Variants in VAMP4 observed in about 807,000 individuals in gnomAD.
VAMP4 encodes vesicle associated membrane protein 4.
Under a neutral mutation model 23.5 loss-of-function variants are expected in VAMP4, and 19 were observed. That is an observed-to-expected ratio of 0.81 (90% CI 0.56 to 1.19). The LOEUF is 1.19. VAMP4 is among the 50% of genes most tolerant of loss of function. VAMP4 has a pLI of 0.00. For synonymous variants in VAMP4, 31 were observed against 51.0 expected (o/e 0.61, Z 1.67); for missense variants, 145 against 168.6 (o/e 0.86, Z 0.78).
intron 2 of VAMP4, among the ~76,000 whole-genome samples, chr1:171,735,183 G>A (rs987374512): frequency 3.3e-5 from 5 of 152,100 alleles, no homozygotes; most frequent in African/African-American, 9.7e-5. Flanking sequence ...TCCATTAAGT[G>A]AACAACAAAT....
chr1:171,728,514 A>G lies in VAMP4; in HGVS notation c.113+10T>C. 1 of 1,527,806 alleles carries G rather than the reference A, an allele frequency of 6.5e-7. No individual in the cohort carries two copies. Among genetic ancestry groups the G allele is most frequent in the Non-Finnish European group, 8.8e-7 (1 of 1,137,866 alleles). 94.6% of individuals were successfully genotyped at this position (1,527,806 alleles called of 1,614,324 possible). On this transcript the variant is annotated intron_variant, in intron 3 of 7. Coordinates refer to ENST00000236192, the MANE Select transcript of VAMP4 (RefSeq NM_003762.5). Reference sequence around the variant, plus strand: ...ATTACACCCTAATAAAGCTGTAAAAAAAAACTTACAGAAAAAAGTCCTCTT... The same window carrying G: ...ATTACACCCTAATAAAGCTGTAAAAGAAAACTTACAGAAAAAAGTCCTCTT...
At chr1:171,709,033 A>C (rs1448567060) in intron 6 of VAMP4, among the ~76,000 whole-genome samples, 1 of 152,070 alleles carries the variant, frequency 6.6e-6, no homozygotes, top group Non-Finnish European at 1.5e-5. Context: ...AACGTGAAAA[A>C]CATTTTCTGT....
chr1:171,738,230 A>G (rs190529745), intron 2 of VAMP4, 119 bp downstream of exon 2: 8 of 1,059,840 alleles, frequency 7.5e-6, no homozygotes, highest in South Asian at 1.6e-5. Context: ...CAGCGTCCCA[A>G]GTGCGGCGAT....
At chr1:171,731,205 C>T (rs1441061924) in intron 2 of VAMP4, among the ~76,000 whole-genome samples, 3 of 151,966 alleles carry the variant, frequency 2.0e-5, no homozygotes, top group Non-Finnish European at 4.4e-5. Context: ...AACAGGATTG[C>T]AATTGAACAA....
intron 2 of VAMP4, among the ~76,000 whole-genome samples, chr1:171,732,826 A>T (rs956406206): frequency 2.0e-5 from 3 of 152,214 alleles, no homozygotes; most frequent in Admixed American, 6.5e-5. Context: ...ATATTTGATT[A>T]TATAAAAATT....
intron 3 of VAMP4, among the ~76,000 whole-genome samples, chr1:171,723,236 A>G (rs1655256090): frequency 1.3e-5 from 2 of 152,180 alleles, no homozygotes; most frequent in Admixed American, 1.3e-4. Context: ...ACTGGGGCAA[A>G]ATTAAAATTG....
rs367797417 is a variant in VAMP4, at chr1:171,718,328, A to G, written c.164+843T>C. Among the ~76,000 whole-genome samples, 10 of 152,262 alleles carry G rather than the reference A, an allele frequency of 6.6e-5. 1 individual carries two copies. Among genetic ancestry groups the G allele is most frequent in the Admixed American group, 2.0e-4 (3 of 15,278 alleles). On this transcript the variant is annotated intron_variant, in intron 4 of 7. Coordinates refer to ENST00000236192, the MANE Select transcript of VAMP4 (RefSeq NM_003762.5). ...TTCCCACAATGTGCCATCTATACCCAGGCTTAGGGTAGTGACTATTATCCC... is the reference window on the plus strand; with the variant it reads ...TTCCCACAATGTGCCATCTATACCCGGGCTTAGGGTAGTGACTATTATCCC...
In VAMP4 at chr1:171,701,669, A is replaced by G. The variant is rs1216315587; in HGVS notation, c.*2837T>C. 2.0e-5 allele frequency: 3 copies of G among 152,142 alleles called. No individual in the cohort carries two copies. The highest frequency in any genetic ancestry group is 2.9e-5 in the Non-Finnish European group (2 of 67,998). The allele number at this position is 152,142 out of a possible 1,614,324, so 9.4% of individuals were successfully genotyped here. Reference sequence around the variant, plus strand: ...ATAGCAGGGCTAACAAAGTATTTCTATATCTCATGTCTATTAATTACCCTT... The same window carrying G: ...ATAGCAGGGCTAACAAAGTATTTCTGTATCTCATGTCTATTAATTACCCTT... On this transcript the variant is annotated 3_prime_UTR_variant, in exon 8 of 8. Coordinates refer to ENST00000236192, the MANE Select transcript of VAMP4 (RefSeq NM_003762.5).
At chr1:171,712,486 A>G (rs1256539163) in intron 4 of VAMP4, among the ~76,000 whole-genome samples, 1 of 151,982 alleles carries the variant, frequency 6.6e-6, no homozygotes, top group African/African-American at 2.4e-5. Context: ...GATGACAGTC[A>G]CTTCCCTCCC....
intron 3 of VAMP4, among the ~76,000 whole-genome samples, chr1:171,724,691 C>T (rs1225755315): frequency 6.6e-6 from 1 of 152,110 alleles, no homozygotes; most frequent in East Asian, 1.9e-4. Flanking sequence ...AAAATTCTAG[C>T]AGGCTTGCTG....
At chr1:171,705,315 G>T (rs1052225384) in intron 7 of VAMP4, among the ~76,000 whole-genome samples, 2 of 152,124 alleles carry the variant, frequency 1.3e-5, no homozygotes, top group Non-Finnish European at 2.9e-5. Flanking sequence ...ACACATCACA[G>T]CTCTCTTGTA....
chr1:171,709,766 G>A (rs375256363), intron 5 of VAMP4, 22 bp from the exon 6 acceptor site: 2 of 1,579,474 alleles, frequency 1.3e-6, no homozygotes, highest in South Asian at 1.1e-5. Context: ...AGAGGATGGA[G>A]AGAAGGATTA....
chr1:171,728,349 T>C (rs2124861893), intron 3 of VAMP4, among the ~76,000 whole-genome samples, 175 bp downstream of exon 3: 1 of 152,304 alleles, frequency 6.6e-6, no homozygotes, highest in East Asian at 1.9e-4. Context: ...CCTAACGTTA[T>C]GTCACAACGT....
At chr1:171,707,271 C>CAGGT (rs1325177519) in intron 6 of VAMP4, among the ~76,000 whole-genome samples, 1 of 152,148 alleles carries the variant, frequency 6.6e-6, no homozygotes, top group African/African-American at 2.4e-5. Context: ...TTTTTAAAGC[C>CAGGT]AGGTATATTG....
Position 171,722,591 on chromosome 1 carries a change from C to T in VAMP4, c.114-3370G>A, listed in dbSNP as rs1385253332. 4.6e-5 allele frequency among the ~76,000 whole-genome samples: 7 copies of T among 152,226 alleles called. No individual in the cohort carries two copies. The South Asian group carries it at 1.2e-3, about 27-fold the overall frequency. ...TCAAACAACCCCATCAAAAAGTGGG[C>T]GAAGGATATGAACAGACACTTCTCA... is the stretch of plus-strand genomic sequence containing the variant. On this transcript the variant is annotated intron_variant, in intron 3 of 7. Transcript: ENST00000236192.
At position 171,723,311 on chromosome 1, in the gene VAMP4, A is replaced by T. The variant is rs28836617; in HGVS notation, c.114-4090T>A. 2.7e-3 allele frequency among the ~76,000 whole-genome samples: 407 copies of T among 152,322 alleles called. 2 individuals carry two copies. Among genetic ancestry groups the T allele is most frequent in the African/African-American group, 9.4e-3 (392 of 41,582 alleles). On this transcript the variant is annotated intron_variant, in intron 3 of 7. Transcript: ENST00000236192. ...TTATCAGGAGACAGGGTTTGAGAGC[A>T]GACAACTGGTCTGACTAAAATTTAC...
chr1:171,710,625 G>T, intron 5 of VAMP4, 89 bp downstream of exon 5: 1 of 1,006,988 alleles, frequency 9.9e-7, no homozygotes, highest in Non-Finnish European at 1.5e-6. Flanking sequence ...AATTTCCTAA[G>T]CCAAGATTTG....
intron 2 of VAMP4, among the ~76,000 whole-genome samples, chr1:171,732,340 G>A (rs1233989298): frequency 7.3e-6 from 1 of 137,064 alleles, no homozygotes; most frequent in South Asian, 2.3e-4. Flanking sequence ...TGGCAACATA[G>A]CAAGACCGTG....
intron 6 of VAMP4, among the ~76,000 whole-genome samples, chr1:171,707,202 TAA>T (rs1315509516): frequency 1.3e-5 from 2 of 152,146 alleles, no homozygotes; most frequent in African/African-American, 4.8e-5. Flanking sequence ...CCAGATATAT[TAA>T]GAGAGGTGTT....
Sources: gnomAD v4.1 joint callset for allele counts (sites outside exome capture counted in the v4.1 genomes callset) on GRCh38, gnomAD v4.1.1 for gene constraint, MANE v1.5 for transcripts, NCBI Gene and HGNC (gene_info 2026-07-23, HGNC 2026-07-21) for gene names.